BNC2: variants seen among roughly 807,000 people sequenced by gnomAD.
The protein encoded by BNC2 is basonuclin zinc finger protein 2.
Under a neutral mutation model 76.3 loss-of-function variants are expected in BNC2, and 20 were observed. The ratio of observed to expected loss-of-function variants is 0.26; its 90% confidence interval spans 0.18 to 0.38. The LOEUF (loss-of-function observed/expected upper bound fraction) is 0.38. Ranked by LOEUF, BNC2 falls within the 10% of genes least tolerant of loss-of-function variation. BNC2 has a pLI of 1.00. For synonymous variants in BNC2, 582 were observed against 514.8 expected (o/e 1.13, Z -1.77); for missense variants, 1,382 against 1,399.8 (o/e 0.99, Z 0.20).
chr9:16,504,354 T>TGAATACATGTATTAATA (rs1448601379), intron 5 of BNC2, among the ~76,000 whole-genome samples: 11 of 150,384 alleles, frequency 7.3e-5, no homozygotes, highest in South Asian at 2.1e-4. Context: ...TATTCCAGAA[T>TGAATACATGTATTAATA]CCAAGTCCAC....
At chr9:16,859,081 C>T (rs1357893589) in intron 1 of BNC2, among the ~76,000 whole-genome samples, 1 of 151,738 alleles carries the variant, frequency 6.6e-6, no homozygotes, top group Admixed American at 6.6e-5. Flanking sequence ...TATACAAATG[C>T]CCAAAAAGCA....
chr9:16,784,753 G>C (rs1826238280), intron 1 of BNC2, among the ~76,000 whole-genome samples: 1 of 152,204 alleles, frequency 6.6e-6, no homozygotes, highest in Non-Finnish European at 1.5e-5. Context: ...TAGTAGGTCA[G>C]TGGGAATGAA....
intron 1 of BNC2, among the ~76,000 whole-genome samples, chr9:16,811,230 C>CA (rs58068661): frequency 0.48 from 47,163 of 97,892 alleles, 12,631 homozygotes; most frequent in East Asian, 0.92. Flanking sequence ...CTCAAAAGAC[C>CA]AAAAAAAAAA....
At chr9:16,706,185 C>T (rs537749984) in intron 3 of BNC2, among the ~76,000 whole-genome samples, 1 of 152,202 alleles carries the variant, frequency 6.6e-6, no homozygotes, top group East Asian at 1.9e-4. Flanking sequence ...AGTTTTGCAC[C>T]CCAAAATACC....
rs1554752002 is a variant in BNC2, at chr9:16,856,302, C to CACACAT, written c.3+14343_3+14344insATGTGT. On this transcript the variant is annotated intron_variant, in intron 1 of 6. Coordinates refer to ENST00000380672, the MANE Select transcript of BNC2 (RefSeq NM_017637.6). ...TCACACACACACACACACACACACACAAATTCCAGCATATCTAATTATCAC... is the reference window on the plus strand; with the variant it reads ...TCACACACACACACACACACACACACACACATAAATTCCAGCATATCTAATTATCAC... Among the ~76,000 whole-genome samples the CACACAT allele has an allele frequency of 5.4e-5, 8 of 147,272 alleles. No individual in the cohort carries two copies. The East Asian group carries it at 1.6e-3, about 29-fold the overall frequency.
At chr9:16,549,579 A>T (rs1323560092) in intron 5 of BNC2, among the ~76,000 whole-genome samples, 1 of 152,220 alleles carries the variant, frequency 6.6e-6, no homozygotes, top group African/African-American at 2.4e-5. Flanking sequence ...TTATATTCAA[A>T]GTAATTTGTG....
Position 16,670,737 on chromosome 9 carries a change from C to T in BNC2, c.330+57060G>A, listed in dbSNP as rs532575685. Among the ~76,000 whole-genome samples the T allele has an allele frequency of 2.8e-4, 42 of 152,258 alleles. No individual in the cohort carries two copies. The South Asian group carries it at 8.1e-3, about 29-fold the overall frequency. On this transcript the variant is annotated intron_variant, in intron 3 of 6. Coordinates refer to ENST00000380672, the MANE Select transcript of BNC2 (RefSeq NM_017637.6). ...GTAACAAAGTGATGGTAAAGGTATA[C>T]GTGAACTCACCTGAGAAGTACACTA...
At chr9:16,754,707 A>G (rs564327267) in intron 1 of BNC2, among the ~76,000 whole-genome samples, 159 of 152,078 alleles carry the variant, frequency 1.0e-3, no homozygotes, top group African/African-American at 3.6e-3. Context: ...ATAGCCACCC[A>G]CCACCATGCC....
intron 3 of BNC2, among the ~76,000 whole-genome samples, chr9:16,707,954 TAA>T (rs1211948636): frequency 6.6e-6 from 1 of 152,174 alleles, no homozygotes; most frequent in Non-Finnish European, 1.5e-5. Flanking sequence ...AGTAATTTTA[TAA>T]TCTAAGTATT....
intron 1 of BNC2, among the ~76,000 whole-genome samples, chr9:16,863,292 C>G (rs1235191455): frequency 1.3e-5 from 2 of 152,336 alleles, no homozygotes; most frequent in East Asian, 3.9e-4. Flanking sequence ...GATAGCTGGG[C>G]ATTTAGCATC....
At chr9:16,563,292 T>C (rs1304960440) in intron 4 of BNC2, among the ~76,000 whole-genome samples, 1 of 152,134 alleles carries the variant, frequency 6.6e-6, no homozygotes, top group African/African-American at 2.4e-5. Context: ...TATACAGGGA[T>C]AAACAACATG....
At chr9:16,699,272 G>C in intron 3 of BNC2, 1 of 462,336 alleles carries the variant, frequency 2.2e-6, no homozygotes, top group South Asian at 1.6e-5. Context: ...AGCATGCATG[G>C]GTTAGGAGGA....
intron 1 of BNC2, among the ~76,000 whole-genome samples, chr9:16,807,362 T>C (rs924567243): frequency 6.6e-6 from 1 of 152,236 alleles, no homozygotes; most frequent in African/African-American, 2.4e-5. Context: ...TATCATTTTA[T>C]TAACCCAAAT....
intron 5 of BNC2, among the ~76,000 whole-genome samples, chr9:16,511,283 A>G (rs1822748372): frequency 2.0e-5 from 3 of 151,102 alleles, no homozygotes; most frequent in Admixed American, 2.0e-4. Flanking sequence ...CTGGTTTTTA[A>G]ATTTTTTTGT....
At chr9:16,491,371 A>C (rs1300759968) in intron 5 of BNC2, among the ~76,000 whole-genome samples, 1 of 152,228 alleles carries the variant, frequency 6.6e-6, no homozygotes, top group Non-Finnish European at 1.5e-5. Context: ...GAGGCCACTC[A>C]AATGAAGAGG....
At chr9:16,573,551 G>T (rs1819393586) in intron 4 of BNC2, among the ~76,000 whole-genome samples, 1 of 152,006 alleles carries the variant, frequency 6.6e-6, no homozygotes, top group Non-Finnish European at 1.5e-5. Context: ...ACATTTCTTG[G>T]CGAGTAGAAT....
At chr9:16,746,274 C>T (rs1475277969) in intron 1 of BNC2, among the ~76,000 whole-genome samples, 1 of 152,144 alleles carries the variant, frequency 6.6e-6, no homozygotes. Context: ...AGCCAGTTGA[C>T]TTCATATTGG....
intron 3 of BNC2, chr9:16,705,086 A>C (rs1385988139): frequency 6.6e-6 from 1 of 152,176 alleles, no homozygotes; most frequent in Non-Finnish European, 1.5e-5. Context: ...CTAGTGGGTA[A>C]AATTTTCCAA....
chr9:16,582,892 GACACACACACACACACACAC>G (rs149223772), intron 4 of BNC2, 71 bp downstream of exon 4: 7 of 627,056 alleles, frequency 1.1e-5, no homozygotes, highest in African/African-American at 6.1e-5. Flanking sequence ...CCTCTAAACA[GACACACACACACACACACAC>G]ACACACACAC....
Sources: gnomAD v4.1 joint callset for allele counts (sites outside exome capture counted in the v4.1 genomes callset) on GRCh38, gnomAD v4.1.1 for gene constraint, MANE v1.5 for transcripts, NCBI Gene and HGNC (gene_info 2026-07-23, HGNC 2026-07-21) for gene names.